OR51B5: variants seen among roughly 807,000 people sequenced by gnomAD.
The protein encoded by OR51B5 is olfactory receptor family 51 subfamily B member 5, also known as olfactory receptor 51B5.
For synonymous variants in OR51B5, 186 were observed against 144.8 expected, an observed-to-expected ratio of 1.28 and a Z score of -2.04; for missense variants, 456 against 374.6, an observed-to-expected ratio of 1.22 and a Z score of -1.79.
At chr11:5,378,765 C>G (rs1325501222) in intron 1 of OR51B5, among the ~76,000 whole-genome samples, 7 of 151,862 alleles carry the variant, frequency 4.6e-5, no homozygotes, top group Non-Finnish European at 1.0e-4. Context: ...CAATGAGATA[C>G]CATCTCATAC....
intron 1 of OR51B5, among the ~76,000 whole-genome samples, chr11:5,497,786 T>C (rs975335238): frequency 6.6e-6 from 1 of 152,174 alleles, no homozygotes; most frequent in African/African-American, 2.4e-5. Flanking sequence ...ATACACCTTT[T>C]GCCAGCTACC....
intron 1 of OR51B5, among the ~76,000 whole-genome samples, chr11:5,504,911 A>G (rs1001207767): frequency 3.9e-5 from 6 of 152,206 alleles, no homozygotes; most frequent in Admixed American, 2.6e-4. Context: ...CCAAGCACCC[A>G]GTCAATTGTG....
At chr11:5,342,695 G>C (rs773482650) in exon 1 of OR51B5, 2 of 1,613,802 alleles carry the variant, frequency 1.2e-6, no homozygotes, top group South Asian at 1.1e-5. Context: ...CAGAAAATAG[G>C]CATAGCTCAT....
At chr11:5,341,594 A>G (rs541486603), downstream of OR51B5, among the ~76,000 whole-genome samples, 2 of 152,314 alleles carry the variant, frequency 1.3e-5, no homozygotes, top group African/African-American at 4.8e-5. Context: ...TCATCAGACA[A>G]TTTTAATCAA....
intron 1 of OR51B5, among the ~76,000 whole-genome samples, chr11:5,423,548 G>A (rs977592898): frequency 6.6e-6 from 1 of 152,128 alleles, no homozygotes; most frequent in Non-Finnish European, 1.5e-5. Context: ...GTTCCATTTA[G>A]GCATTTAGGT....
chr11:5,365,170 G>T (rs1014130240), intron 1 of OR51B5, among the ~76,000 whole-genome samples: 8 of 152,308 alleles, frequency 5.3e-5, no homozygotes, highest in African/African-American at 1.7e-4. Context: ...GAGTTCTGTA[G>T]ACATTTAGAG....
At chr11:5,444,103 A>T (rs1319383007) in intron 1 of OR51B5, among the ~76,000 whole-genome samples, 2 of 152,162 alleles carry the variant, frequency 1.3e-5, no homozygotes, top group Admixed American at 6.6e-5. Flanking sequence ...ATGTTTATAC[A>T]CACACAGTGT....
intron 1 of OR51B5, among the ~76,000 whole-genome samples, chr11:5,406,699 T>C (rs1029448258): frequency 7.2e-5 from 11 of 152,166 alleles, no homozygotes; most frequent in African/African-American, 1.9e-4. Flanking sequence ...AGAAAAGATA[T>C]AGAAATAGTT....
upstream of OR51B5, chr11:5,343,669 C>A: frequency 1.9e-6 from 1 of 534,594 alleles, no homozygotes; most frequent in East Asian, 3.0e-5. Flanking sequence ...GATTGTTTCT[C>A]AAAATACATT....
intron 1 of OR51B5, among the ~76,000 whole-genome samples, chr11:5,416,527 C>G (rs1409282796): frequency 4.6e-5 from 7 of 151,376 alleles, no homozygotes; most frequent in African/African-American, 9.7e-5. Flanking sequence ...TCTAGAAAAC[C>G]CCATTGTCTC....
chr11:5,381,146 G>T (rs1031003203), intron 1 of OR51B5, among the ~76,000 whole-genome samples: 3 of 95,824 alleles, frequency 3.1e-5, no homozygotes, highest in East Asian at 4.7e-4. Flanking sequence ...TCTCTCTGTC[G>T]CTCGCTCGCT....
rs774692883 is a variant in OR51B5 at position 5,342,956 on chromosome 11, G to T, written c.569C>A (p.Thr190Asn). ...AGCTGGGTACAGTCGGTTGAAGGTG[G>T]TATCAGCACAGGCGAGTTTAATGAC... The change falls in exon 1 of 1, where the codon ACC becomes AAC. Residue 190 changes from threonine to asparagine, a missense_variant. Thr to Asn is a moderately conservative substitution (Grantham distance 65). Transcript: ENST00000300773. The T allele has an allele frequency of 1.2e-5, 19 of 1,613,698 alleles. No homozygotes were observed. Among genetic ancestry groups the T allele is most frequent in the Non-Finnish European group, 1.6e-5 (19 of 1,179,844 alleles).
At chr11:5,374,784 A>G (rs1037656419) in intron 1 of OR51B5, among the ~76,000 whole-genome samples, 6 of 152,146 alleles carry the variant, frequency 3.9e-5, no homozygotes, top group African/African-American at 7.2e-5. Context: ...GTTTAGAGAA[A>G]AAAGAATAAA....
At chr11:5,365,109 T>G (rs1359695971) in intron 1 of OR51B5, among the ~76,000 whole-genome samples, 1 of 152,224 alleles carries the variant, frequency 6.6e-6, no homozygotes, top group Non-Finnish European at 1.5e-5. Flanking sequence ...AACCTTGAAT[T>G]CAAGTGGTAG....
At chr11:5,486,269 A>T (rs185512430) in intron 1 of OR51B5, among the ~76,000 whole-genome samples, 131 of 152,212 alleles carry the variant, frequency 8.6e-4, no homozygotes, top group African/African-American at 3.0e-3. Context: ...CAAAGTCCTT[A>T]TCATTATCTA....
intron 1 of OR51B5, among the ~76,000 whole-genome samples, chr11:5,364,680 C>T (rs1208718160): frequency 6.6e-6 from 1 of 152,166 alleles, no homozygotes; most frequent in African/African-American, 2.4e-5. Flanking sequence ...TTTGTGCACT[C>T]TAAGGCAGCC....
intron 1 of OR51B5, among the ~76,000 whole-genome samples, chr11:5,375,880 C>T (rs1466761092): frequency 6.6e-6 from 1 of 152,164 alleles, no homozygotes; most frequent in Non-Finnish European, 1.5e-5. Flanking sequence ...TAATACCCCA[C>T]TGTCAACATT....
At position 5,364,597 on chromosome 11, in the gene OR51B5, G is replaced by C. The variant is rs7930870; in HGVS notation, n.85-17687C>G. ...TATTAAATGAAAAAATAAACTAAGC[G>C]TGAGAGGTATTTATGTGTCTCTCTC... On this transcript the variant is annotated intron_variant and non_coding_transcript_variant, in intron 1 of 4. Coordinates refer to the OR51B5 transcript ENST00000415970. Among the ~76,000 whole-genome samples the C allele has an allele frequency of 7.2e-3, 597 of 82,462 alleles. 2 individuals are homozygous for C. Among genetic ancestry groups the C allele is most frequent in the African/African-American group, 0.022 (427 of 19,552 alleles). The allele number at this position is 82,462 out of a possible 152,430, so 54.1% of individuals were successfully genotyped here.
chr11:5,463,906 T>A (rs1300732507), intron 1 of OR51B5, among the ~76,000 whole-genome samples: 1 of 152,196 alleles, frequency 6.6e-6, no homozygotes. Context: ...ATGATTTGAA[T>A]GGCTGCACTG....
Sources: allele counts gnomAD v4.1 joint callset (sites outside exome capture counted in the v4.1 genomes callset), GRCh38; gene constraint gnomAD v4.1.1; transcripts MANE v1.5; gene names NCBI Gene and HGNC (gene_info 2026-07-23, HGNC 2026-07-21).